Variants in ANKS1B observed in about 807,000 individuals in gnomAD.
ANKS1B encodes the protein ankyrin repeat and sterile alpha motif domain containing 1B, also known as ankyrin repeat and sterile alpha motif domain-containing protein 1B.
A neutral mutation model predicts 148.3 loss-of-function variants in ANKS1B; 36 were observed. The ratio of observed to expected loss-of-function variants is 0.24; its 90% confidence interval spans 0.19 to 0.32. The LOEUF is 0.32. Ranked by LOEUF, ANKS1B falls within the 10% of genes least tolerant of loss-of-function variation. ANKS1B has a pLI of 1.00. For synonymous variants in ANKS1B, 542 were observed against 560.8 expected (o/e 0.97, Z 0.47); for missense variants, 1,157 against 1,542.6 (o/e 0.75, Z 4.19).
intron 1 of ANKS1B, among the ~76,000 whole-genome samples, chr12:99,856,125 A>G (rs781498665): frequency 3.9e-5 from 6 of 152,162 alleles, no homozygotes; most frequent in Non-Finnish European, 8.8e-5. Context: ...AAATGAGACA[A>G]AAAGCTGGTT....
At chr12:99,776,298 A>G (rs1392261163) in intron 6 of ANKS1B, among the ~76,000 whole-genome samples, 2 of 152,218 alleles carry the variant, frequency 1.3e-5, no homozygotes, top group Non-Finnish European at 2.9e-5. Flanking sequence ...AAACTTAAAT[A>G]TTGCTTACTA....
intron 11 of ANKS1B, among the ~76,000 whole-genome samples, chr12:99,418,565 A>G (rs2094979797): frequency 6.6e-6 from 1 of 152,116 alleles, no homozygotes; most frequent in Non-Finnish European, 1.5e-5. Flanking sequence ...TCGGATTTCT[A>G]CGAAGACAAT....
At chr12:99,155,473 T>C (rs1431053072) in intron 14 of ANKS1B, among the ~76,000 whole-genome samples, 1 of 152,158 alleles carries the variant, frequency 6.6e-6, no homozygotes, top group East Asian at 1.9e-4. Flanking sequence ...TCCCCTCTGA[T>C]ATTTATAACC....
intron 10 of ANKS1B, among the ~76,000 whole-genome samples, chr12:99,483,288 G>A (rs1441131827): frequency 2.0e-5 from 3 of 151,830 alleles, no homozygotes; most frequent in Non-Finnish European, 4.4e-5. Context: ...TTCTGTTAAT[G>A]TAATGTATCA....
At chr12:98,896,070 C>G (rs888132166) in intron 17 of ANKS1B, among the ~76,000 whole-genome samples, 1 of 152,122 alleles carries the variant, frequency 6.6e-6, no homozygotes, top group African/African-American at 2.4e-5. Context: ...AGAGAAGAAT[C>G]AGTGTCTTAA....
chr12:99,864,580 G>T (rs79789897), intron 1 of ANKS1B, among the ~76,000 whole-genome samples: 2 of 152,206 alleles, frequency 1.3e-5, no homozygotes, highest in East Asian at 1.9e-4. Flanking sequence ...ATCTTATATA[G>T]GTTCTAAGCT....
intron 8 of ANKS1B, among the ~76,000 whole-genome samples, chr12:99,741,134 G>A (rs1465105794): frequency 6.6e-6 from 1 of 151,006 alleles, no homozygotes; most frequent in African/African-American, 2.4e-5. Context: ...CTTGAACCAG[G>A]CAGTCTGAGG....
At chr12:98,947,198 C>A (rs925332477) in intron 17 of ANKS1B, among the ~76,000 whole-genome samples, 17 of 152,042 alleles carry the variant, frequency 1.1e-4, no homozygotes, top group Admixed American at 1.0e-3. Flanking sequence ...GACTCTGATT[C>A]AAATGGGGAA....
chr12:99,775,203 A>T (rs1347112627), intron 7 of ANKS1B, among the ~76,000 whole-genome samples: 1 of 152,162 alleles, frequency 6.6e-6, no homozygotes, highest in Non-Finnish European at 1.5e-5. Flanking sequence ...TATGTTAATT[A>T]GCTTGATTTT....
chr12:98,817,063 T>C (rs1180807629), intron 19 of ANKS1B, among the ~76,000 whole-genome samples: 1 of 152,264 alleles, frequency 6.6e-6, no homozygotes, highest in South Asian at 2.1e-4. Flanking sequence ...CTTTCAACAC[T>C]TCAGGGTATT....
At chr12:99,519,605 T>C (rs896412873) in intron 9 of ANKS1B, among the ~76,000 whole-genome samples, 5 of 152,242 alleles carry the variant, frequency 3.3e-5, no homozygotes, top group East Asian at 3.9e-4. Context: ...ATTTTCAGTC[T>C]ATTTGTATCT....
intron 17 of ANKS1B, among the ~76,000 whole-genome samples, chr12:98,891,700 T>C (rs942272123): frequency 3.9e-5 from 6 of 152,210 alleles, no homozygotes. Context: ...AAACATTACA[T>C]ATAATAGCCA....
chr12:99,899,941 C>T (rs1196137929), intron 1 of ANKS1B, among the ~76,000 whole-genome samples: 2 of 151,698 alleles, frequency 1.3e-5, no homozygotes, highest in African/African-American at 4.8e-5. Context: ...CTTTGTCGCC[C>T]AGGCTGGAGT....
chr12:99,454,385 T>G (rs1227033308), intron 10 of ANKS1B, among the ~76,000 whole-genome samples: 1 of 152,202 alleles, frequency 6.6e-6, no homozygotes, highest in Admixed American at 6.5e-5. Flanking sequence ...GCCACATCTG[T>G]GTGCTAAAGA....
rs147418078 is a variant in ANKS1B at position 99,580,604 on chromosome 12, C to T, written c.1272+74463G>A. Among the ~76,000 whole-genome samples, 57 of 151,958 alleles carry T rather than the reference C, an allele frequency of 3.8e-4. 1 individual carries two copies. The highest frequency in any genetic ancestry group is 3.4e-3 in the Middle Eastern group (1 of 292). ...CCAGAGGTTGGGAAGGGTAGCGAAG[C>T]GGGGGATGGTGAAGAGAAATTGGTT... On this transcript the variant is annotated intron_variant, in intron 9 of 26. Transcript: ENST00000683438.
At chr12:99,843,103 T>C (rs1870901313) in intron 1 of ANKS1B, among the ~76,000 whole-genome samples, 1 of 152,134 alleles carries the variant, frequency 6.6e-6, no homozygotes, top group South Asian at 2.1e-4. Flanking sequence ...AGGGTAGATA[T>C]GCATAACGTG....
At chr12:99,742,603 G>C (rs2060226645) in intron 8 of ANKS1B, among the ~76,000 whole-genome samples, 1 of 151,846 alleles carries the variant, frequency 6.6e-6, no homozygotes, top group Non-Finnish European at 1.5e-5. Flanking sequence ...GGGAGGCCAA[G>C]GCAGGCAGAT....
intron 10 of ANKS1B, among the ~76,000 whole-genome samples, chr12:99,473,543 A>C (rs746012671): frequency 1.3e-5 from 2 of 152,020 alleles, no homozygotes; most frequent in Non-Finnish European, 2.9e-5. Context: ...GTGGAGTACC[A>C]ATTTATAGTC....
chr12:99,812,550 CACACACACAG>C (rs796276666), intron 2 of ANKS1B, among the ~76,000 whole-genome samples: 3,148 of 95,366 alleles, frequency 0.033, 40 homozygotes, highest in South Asian at 0.11. Context: ...CACACACACA[CACACACACAG>C]AGAGAGAGAG....
Sources: allele counts gnomAD v4.1 joint callset (sites outside exome capture counted in the v4.1 genomes callset), GRCh38; gene constraint gnomAD v4.1.1; transcripts MANE v1.5; gene names NCBI Gene and HGNC (gene_info 2026-07-23, HGNC 2026-07-21).